The following MAGI3 variants were observed in gnomAD, a reference collection of about 807,000 sequenced individuals.
The protein encoded by MAGI3 is membrane-associated guanylate kinase, WW and PDZ domain-containing protein 3.
Under a neutral mutation model 121.8 loss-of-function variants are expected in MAGI3, and 43 were observed. The ratio of observed to expected loss-of-function variants is 0.35; its 90% confidence interval spans 0.28 to 0.46. The LOEUF (loss-of-function observed/expected upper bound fraction) is 0.46. MAGI3 is among the 20% of genes least tolerant of loss of function. The pLI is 1.00. For synonymous variants in MAGI3, 553 were observed against 639.3 expected (o/e 0.86, Z 2.04); for missense variants, 1,547 against 1,797.3 (o/e 0.86, Z 2.52).
intron 9 of MAGI3, among the ~76,000 whole-genome samples, chr1:113,635,496 G>T (rs1651948840): frequency 6.6e-6 from 1 of 152,114 alleles, no homozygotes; most frequent in Non-Finnish European, 1.5e-5. Flanking sequence ...TGTGGTTTTT[G>T]TCTTTGGTTC....
At chr1:113,555,835 T>C (rs1441635955) in intron 2 of MAGI3, among the ~76,000 whole-genome samples, 1 of 151,988 alleles carries the variant, frequency 6.6e-6, no homozygotes, top group Non-Finnish European at 1.5e-5. Flanking sequence ...CCCAGGAGTT[T>C]GAGGCTATAG....
At chr1:113,652,793 A>G (rs1653245876) in intron 14 of MAGI3, among the ~76,000 whole-genome samples, 1 of 152,230 alleles carries the variant, frequency 6.6e-6, no homozygotes, top group Non-Finnish European at 1.5e-5. Flanking sequence ...TATGGCAAAA[A>G]ATATGCCCTT....
At chr1:113,611,228 A>G (rs1231463298) in intron 6 of MAGI3, among the ~76,000 whole-genome samples, 4 of 152,006 alleles carry the variant, frequency 2.6e-5, no homozygotes, top group East Asian at 3.9e-4. Context: ...CTGAGATTAC[A>G]GGAACCTACC....
At chr1:113,516,002 G>A (rs904584603) in intron 1 of MAGI3, among the ~76,000 whole-genome samples, 1 of 151,868 alleles carries the variant, frequency 6.6e-6, no homozygotes, top group African/African-American at 2.4e-5. Context: ...AGCATCTCTG[G>A]CTACACTCAC....
chr1:113,469,559 G>A (rs1471687447), intron 1 of MAGI3, among the ~76,000 whole-genome samples: 1 of 151,592 alleles, frequency 6.6e-6, no homozygotes, highest in Non-Finnish European at 1.5e-5. Flanking sequence ...TATACTTCCA[G>A]TAATATTTTT....
intron 1 of MAGI3, among the ~76,000 whole-genome samples, chr1:113,426,569 CTG>C (rs1247551817): frequency 6.6e-6 from 1 of 152,132 alleles, no homozygotes; most frequent in Non-Finnish European, 1.5e-5. Flanking sequence ...TTTTGAGGCT[CTG>C]TTATTTGGTA....
At chr1:113,580,691 CA>C in intron 3 of MAGI3, 30 bp downstream of exon 3, 3 of 1,547,912 alleles carry the variant, frequency 1.9e-6, no homozygotes, top group South Asian at 2.5e-5. Flanking sequence ...CACTACCACC[CA>C]AAAAACTATC....
chr1:113,554,293 G>GTA (rs1659899811), intron 2 of MAGI3, among the ~76,000 whole-genome samples: 1 of 152,064 alleles, frequency 6.6e-6, no homozygotes, highest in African/African-American at 2.4e-5. Flanking sequence ...ATGTGTGTGT[G>GTA]TGTGTGTGTA....
chr1:113,554,510 GAAGT>G (rs904945231), intron 2 of MAGI3, among the ~76,000 whole-genome samples: 1 of 151,572 alleles, frequency 6.6e-6, no homozygotes, highest in East Asian at 1.9e-4. Flanking sequence ...CTTCTGCAAT[GAAGT>G]ACCAGTACCA....
chr1:113,482,068 C>T (rs763053262), intron 1 of MAGI3, among the ~76,000 whole-genome samples: 2 of 151,250 alleles, frequency 1.3e-5, no homozygotes, highest in Non-Finnish European at 2.9e-5. Context: ...ATGTAATAAA[C>T]TTAATATAAA....
At chr1:113,582,664 T>C (rs1051356771) in intron 3 of MAGI3, among the ~76,000 whole-genome samples, 15 of 152,100 alleles carry the variant, frequency 9.9e-5, no homozygotes, top group Non-Finnish European at 2.1e-4. Context: ...ATACATATCC[T>C]AGATGTATAT....
At chr1:113,503,770 T>C (rs1003865251) in intron 1 of MAGI3, among the ~76,000 whole-genome samples, 3 of 151,530 alleles carry the variant, frequency 2.0e-5, no homozygotes, top group African/African-American at 7.2e-5. Flanking sequence ...AGCTTGGTTA[T>C]TTGTAACAAG....
At chr1:113,617,347 C>A (rs1650538444) in intron 7 of MAGI3, among the ~76,000 whole-genome samples, 1 of 152,174 alleles carries the variant, frequency 6.6e-6, no homozygotes, top group African/African-American at 2.4e-5. Context: ...ATATTCTCCT[C>A]TCTTATTTCC....
intron 8 of MAGI3, among the ~76,000 whole-genome samples, chr1:113,620,245 A>G (rs1001663103): frequency 6.6e-6 from 1 of 152,208 alleles, no homozygotes; most frequent in Non-Finnish European, 1.5e-5. Context: ...AAATATATCA[A>G]ATGATTTACC....
At chr1:113,430,450 A>G (rs144415733) in intron 1 of MAGI3, among the ~76,000 whole-genome samples, 90 of 152,314 alleles carry the variant, frequency 5.9e-4, no homozygotes, top group African/African-American at 2.0e-3. Context: ...AATATTATAC[A>G]AAGTCATATA....
At chr1:113,431,585 T>C (rs992679590) in intron 1 of MAGI3, among the ~76,000 whole-genome samples, 3 of 152,146 alleles carry the variant, frequency 2.0e-5, no homozygotes, top group African/African-American at 7.2e-5. Flanking sequence ...TAAGTAAACC[T>C]AAAACCAAAA....
intron 19 of MAGI3, among the ~76,000 whole-genome samples, chr1:113,676,826 T>A (rs954313969): frequency 5.3e-5 from 8 of 152,304 alleles, no homozygotes; most frequent in Admixed American, 2.6e-4. Flanking sequence ...ATACCTATTA[T>A]TCCGTATCTC....
chr1:113,652,407 C>T (rs1442617008), intron 14 of MAGI3, among the ~76,000 whole-genome samples: 1 of 152,098 alleles, frequency 6.6e-6, no homozygotes, highest in Non-Finnish European at 1.5e-5. Context: ...AAATGAGGCA[C>T]TGTATTTTTT....
At chr1:113,605,431 C>T (rs572245254) in intron 6 of MAGI3, among the ~76,000 whole-genome samples, 1 of 152,260 alleles carries the variant, frequency 6.6e-6, no homozygotes, top group South Asian at 2.1e-4. Flanking sequence ...AGCTTGAGAA[C>T]AGGCAAAACT....
Sources: gnomAD v4.1 joint callset for allele counts (sites outside exome capture counted in the v4.1 genomes callset) on GRCh38, gnomAD v4.1.1 for gene constraint, MANE v1.5 for transcripts, NCBI Gene and HGNC (gene_info 2026-07-23, HGNC 2026-07-21) for gene names.